Variants in SORCS1 observed in about 807,000 individuals in gnomAD.
The protein encoded by SORCS1 is VPS10 domain-containing receptor SorCS1.
A neutral mutation model predicts 146.1 loss-of-function variants in SORCS1; 60 were observed. The observed-to-expected ratio is 0.41, with a 90% CI of 0.33 to 0.51. The LOEUF is 0.51. Among genes scored for constraint, SORCS1 ranks in the 20% least tolerant of loss-of-function variants. The pLI, the probability that SORCS1 is intolerant of heterozygous loss-of-function variation, is 0.21. For missense variants in SORCS1, 1,352 were observed against 1,487.6 expected (o/e 0.91, Z 1.50); for synonymous variants, 637 against 584.0 (o/e 1.09, Z -1.31).
chr10:106,921,727 G>A (rs999902321), intron 2 of SORCS1, among the ~76,000 whole-genome samples: 6 of 152,120 alleles, frequency 3.9e-5, no homozygotes, highest in Non-Finnish European at 7.3e-5. Context: ...AAAACAATAG[G>A]AAACTATAAA....
the SORCS1 span, among the ~76,000 whole-genome samples, chr10:107,170,033 AT>A: frequency 1.3e-5 from 2 of 152,200 alleles, no homozygotes; most frequent in African/African-American, 2.4e-5. Flanking sequence ...ATAGATAAAA[AT>A]ATACTATGAT....
chr10:106,685,355 A>G (rs1394729949), intron 10 of SORCS1, among the ~76,000 whole-genome samples: 1 of 152,162 alleles, frequency 6.6e-6, no homozygotes, highest in Non-Finnish European at 1.5e-5. Flanking sequence ...TCAAAAACAC[A>G]GGCACCGTCC....
intron 18 of SORCS1, among the ~76,000 whole-genome samples, chr10:106,630,218 T>A (rs1848361117): frequency 6.6e-6 from 1 of 152,322 alleles, no homozygotes; most frequent in East Asian, 1.9e-4. Context: ...TTGCCTGATA[T>A]CTGATAGGAC....
At chr10:106,980,332 C>T (rs1956198858) in intron 1 of SORCS1, among the ~76,000 whole-genome samples, 1 of 152,156 alleles carries the variant, frequency 6.6e-6, no homozygotes, top group Non-Finnish European at 1.5e-5. Context: ...ATTTATTCTA[C>T]CACTGGTAAC....
chr10:107,040,595 C>A (rs2133987693), intron 1 of SORCS1, among the ~76,000 whole-genome samples: 1 of 152,232 alleles, frequency 6.6e-6, no homozygotes, highest in South Asian at 2.1e-4. Context: ...TGAATTTAGG[C>A]CAGTGACAAG....
chr10:106,870,149 T>G (rs1950353453), intron 2 of SORCS1, among the ~76,000 whole-genome samples: 2 of 152,082 alleles, frequency 1.3e-5, no homozygotes, highest in East Asian at 3.9e-4. Context: ...GGTGAAATAT[T>G]TCTAGAATGA....
At position 106,628,647 on chromosome 10, in the gene SORCS1, T is replaced by G. The variant is rs142780115; in HGVS notation, c.2662+555A>C. On this transcript the variant is annotated intron_variant, in intron 19 of 25. Coordinates refer to ENST00000263054, the MANE Select transcript of SORCS1 (RefSeq NM_052918.5). ...CCTACCACAGTTTCCTTAACACTGTTTTTATACTCTTTCTCTCTACACCAC... is the reference window on the plus strand; with the variant it reads ...CCTACCACAGTTTCCTTAACACTGTGTTTATACTCTTTCTCTCTACACCAC... 7.2e-5 allele frequency among the ~76,000 whole-genome samples: 11 copies of G among 152,334 alleles called. No individual in the cohort carries two copies. The East Asian group carries it at 2.1e-3, about 29-fold the overall frequency.
chr10:107,165,272 A>G (rs1970013204), upstream of SORCS1, among the ~76,000 whole-genome samples: 1 of 133,694 alleles, frequency 7.5e-6, no homozygotes. The surrounding 1 kb of genome is among the most constrained non-coding windows in gnomAD (Gnocchi z 4.0). Context: ...GAGTGATGTA[A>G]TTAAATGATC....
chr10:106,581,127 A>G (rs1589657170), intron 24 of SORCS1, among the ~76,000 whole-genome samples: 1 of 152,338 alleles, frequency 6.6e-6, no homozygotes, highest in South Asian at 2.1e-4. Flanking sequence ...AACTGGTAGG[A>G]TGTCATCAGG....
intron 23 of SORCS1, among the ~76,000 whole-genome samples, chr10:106,597,777 A>G (rs1474224829): frequency 6.6e-6 from 1 of 152,240 alleles, no homozygotes; most frequent in East Asian, 1.9e-4. Context: ...ATGAGGACTT[A>G]AAAGAAGTAT....
intron 7 of SORCS1, among the ~76,000 whole-genome samples, chr10:106,707,018 C>A (rs1854580733): frequency 6.6e-6 from 1 of 152,042 alleles, no homozygotes; most frequent in Non-Finnish European, 1.5e-5. Flanking sequence ...TGGCCCAACC[C>A]AAACAGTGGC....
intron 22 of SORCS1, among the ~76,000 whole-genome samples, chr10:106,608,135 T>A (rs2133389630): frequency 6.6e-6 from 1 of 152,354 alleles, no homozygotes; most frequent in East Asian, 1.9e-4. Context: ...ATTCTGATCA[T>A]GTTCCTTGTC....
intron 2 of SORCS1, among the ~76,000 whole-genome samples, chr10:106,891,042 G>A (rs940934452): frequency 6.6e-5 from 10 of 152,134 alleles, no homozygotes; most frequent in Non-Finnish European, 1.5e-4. Context: ...CACTCTTAGT[G>A]GAACATATCT....
chr10:106,814,453 C>T (rs770417588), intron 3 of SORCS1, among the ~76,000 whole-genome samples: 1 of 152,062 alleles, frequency 6.6e-6, no homozygotes, highest in Non-Finnish European at 1.5e-5. Flanking sequence ...ATGCAAAGAT[C>T]GGGGTTCTAG....
intron 2 of SORCS1, among the ~76,000 whole-genome samples, chr10:106,862,780 C>CAAAA (rs58654489): frequency 2.3e-4 from 14 of 60,234 alleles, no homozygotes; most frequent in Non-Finnish European, 3.5e-4. Flanking sequence ...CCTGTCTCTA[C>CAAAA]AAAAAAAAAA....
chr10:106,702,969 A>G (rs1165023218), intron 8 of SORCS1, among the ~76,000 whole-genome samples: 1 of 152,194 alleles, frequency 6.6e-6, no homozygotes, highest in Non-Finnish European at 1.5e-5. Context: ...TGGTGAATTA[A>G]AGAGCTTTCT....
intron 18 of SORCS1, among the ~76,000 whole-genome samples, chr10:106,643,279 C>G (rs1317862999): frequency 6.6e-6 from 1 of 152,190 alleles, no homozygotes; most frequent in African/African-American, 2.4e-5. Context: ...CAAACTGGAA[C>G]AGTGGTGCTC....
chr10:106,896,040 C>T (rs72827221), intron 2 of SORCS1, among the ~76,000 whole-genome samples: 2 of 151,800 alleles, frequency 1.3e-5, no homozygotes. Flanking sequence ...TGGAACTTGG[C>T]GACATTATGC....
intron 1 of SORCS1, among the ~76,000 whole-genome samples, chr10:107,093,226 T>C (rs1224465804): frequency 2.0e-5 from 3 of 152,172 alleles, no homozygotes; most frequent in East Asian, 3.9e-4. Context: ...GCCCAGCACA[T>C]ACACACTTCG....
Sources: allele counts gnomAD v4.1 joint callset (sites outside exome capture counted in the v4.1 genomes callset), GRCh38; gene constraint gnomAD v4.1.1; non-coding constraint Gnocchi (gnomAD v3.1); transcripts MANE v1.5; gene names NCBI Gene and HGNC (gene_info 2026-07-23, HGNC 2026-07-21).